ANKRD36B: variants seen among roughly 807,000 people sequenced by gnomAD.
The protein encoded by ANKRD36B is ankyrin repeat domain 36B.
In ANKRD36B, 37 loss-of-function variants were observed where a neutral mutation model predicts 135.7. The ratio of observed to expected loss-of-function variants is 0.27; its 90% CI spans 0.21 to 0.36. The LOEUF (loss-of-function observed/expected upper bound fraction) is 0.36, where lower values mean the gene tolerates loss of function less well. ANKRD36B is among the 10% of genes least tolerant of loss of function. The probability of loss-of-function intolerance (pLI) is 1.00; values close to 1 mark genes in which losing one functional copy is unlikely to be tolerated. For synonymous variants in ANKRD36B, 179 were observed against 348.1 expected (o/e 0.51, Z 5.41); for missense variants, 549 against 1,037.1 (o/e 0.53, Z 6.46).
At chr2:97,555,020 C>A (rs796363779) in intron 14 of ANKRD36B, 40 bp downstream of exon 14, 2 of 1,603,408 alleles carry the variant, frequency 1.2e-6, no homozygotes, top group Non-Finnish European at 1.7e-6. Context: ...TCTTTTCTAT[C>A]TGGACTGAAC....
At chr2:97,511,036 CT>C in intron 39 of ANKRD36B, 101 bp downstream of exon 39, 1 of 405,908 alleles carries the variant, frequency 2.5e-6, no homozygotes, top group Non-Finnish European at 4.6e-6. Flanking sequence ...CATATGTATC[CT>C]TTTTTATATT....
At chr2:97,546,617 A>C (rs1412640768) in intron 22 of ANKRD36B, among the ~76,000 whole-genome samples, 1 of 151,748 alleles carries the variant, frequency 6.6e-6, no homozygotes, top group Non-Finnish European at 1.5e-5. Context: ...ATTAGATATT[A>C]ATCAGTTTTT....
At chr2:97,538,592 G>A (rs1269960509) in intron 30 of ANKRD36B, among the ~76,000 whole-genome samples, 1 of 96,436 alleles carries the variant, frequency 1.0e-5, no homozygotes, top group African/African-American at 3.1e-5. Flanking sequence ...GGTATTTTGC[G>A]TCATGTGTGT....
At position 97,545,305 on chromosome 2, in the gene ANKRD36B, C is replaced by A. The variant is rs1225326226; in HGVS notation, c.1681+361G>T. 3.2e-5 allele frequency among the ~76,000 whole-genome samples: 3 copies of A among 95,178 alleles called. 1 individual carries two copies. Among genetic ancestry groups the A allele is most frequent in the East Asian group, 4.7e-4 (2 of 4,298 alleles). The allele number at this position is 95,178 out of a possible 152,430, so 62.4% of individuals were successfully genotyped here. On this transcript the variant is annotated intron_variant, in intron 24 of 43. Transcript: ENST00000359901. The stretch of plus-strand genomic sequence containing the variant: ...AGGATCACTTTTCCCTCTGTTTATC[C>A]CAATACAATCTGACACCTCTAATAT...
chr2:97,529,226 C>T lies in ANKRD36B; in HGVS notation c.2265+3085G>A, dbSNP rs1258102949. 2.1e-5 allele frequency among the ~76,000 whole-genome samples: 2 copies of T among 94,944 alleles called. 1 individual carries two copies. The highest frequency in any genetic ancestry group is 5.6e-5 in the Non-Finnish European group (2 of 35,758). 62.3% of individuals were successfully genotyped at this position (94,944 alleles called of 152,430 possible). A position where few individuals can be genotyped will look rare whatever the true frequency, so the allele number is the denominator to read the frequency against. On this transcript the variant is annotated intron_variant, in intron 35 of 43. Coordinates refer to ENST00000359901, the MANE Select transcript of ANKRD36B (RefSeq NM_001393939.1). Reference sequence around the variant, plus strand: ...CACCATGATCAAGTGGGCTTCATCCCTGGGATGCAAGGCTGGTTCAATATA... The same window carrying T: ...CACCATGATCAAGTGGGCTTCATCCTTGGGATGCAAGGCTGGTTCAATATA...
chr2:97,540,946 A>T (rs1391623108), intron 28 of ANKRD36B, among the ~76,000 whole-genome samples: 1 of 96,772 alleles, frequency 1.0e-5, no homozygotes, highest in African/African-American at 3.1e-5. Flanking sequence ...CAATTTTGAC[A>T]TACTTCTACA....
At chr2:97,554,609 G>C (rs995992035) in intron 14 of ANKRD36B, among the ~76,000 whole-genome samples, 5 of 151,822 alleles carry the variant, frequency 3.3e-5, no homozygotes, top group Admixed American at 2.6e-4. Context: ...CCTCTTCCTT[G>C]AGGAAAATAA....
At chr2:97,557,628 C>T (rs967869250) in intron 10 of ANKRD36B, among the ~76,000 whole-genome samples, 1 of 151,776 alleles carries the variant, frequency 6.6e-6, no homozygotes, top group Non-Finnish European at 1.5e-5. Flanking sequence ...ATGTACACTT[C>T]ACAAGTCCTC....
At chr2:97,557,469 T>C (rs1025737276) in intron 10 of ANKRD36B, among the ~76,000 whole-genome samples, 2 of 151,834 alleles carry the variant, frequency 1.3e-5, no homozygotes, top group Admixed American at 6.6e-5. Flanking sequence ...CACCCAGGAA[T>C]CAATGTCAAA....
At chr2:97,576,195 C>T (rs1370115112) in intron 6 of ANKRD36B, among the ~76,000 whole-genome samples, 184 bp downstream of exon 6, 1 of 150,502 alleles carries the variant, frequency 6.6e-6, no homozygotes, top group Admixed American at 6.6e-5. Context: ...TCAAACAATA[C>T]TGAGATTATA....
chr2:97,546,823 C>T (rs866550969), intron 22 of ANKRD36B, among the ~76,000 whole-genome samples: 2 of 151,592 alleles, frequency 1.3e-5, no homozygotes, highest in African/African-American at 4.8e-5. Flanking sequence ...TCAAGATTAT[C>T]GCATTTTTAT....
At chr2:97,553,830 A>G (rs1452855001) in intron 14 of ANKRD36B, among the ~76,000 whole-genome samples, 1 of 151,978 alleles carries the variant, frequency 6.6e-6, no homozygotes, top group African/African-American at 2.4e-5. Context: ...GAAGGTACAC[A>G]ATTACAGTGA....
rs1255771843 is a variant in ANKRD36B at position 97,545,263 on chromosome 2, A to G, written c.1681+403T>C. On this transcript the variant is annotated intron_variant, in intron 24 of 43. Transcript: ENST00000359901. ...CTGGTCTTGTTACTTGTCATTCTAC[A>G]GTGTTTTTGTGGTATTAGGATCACT... is the stretch of plus-strand genomic sequence containing the variant. Among the ~76,000 whole-genome samples, 2 of 95,718 alleles carry G rather than the reference A, an allele frequency of 2.1e-5. 1 individual carries two copies. Among genetic ancestry groups the G allele is most frequent in the African/African-American group, 6.2e-5 (2 of 32,182 alleles). 62.8% of individuals were successfully genotyped at this position (95,718 alleles called of 152,430 possible). A position where few individuals can be genotyped will look rare whatever the true frequency, so the allele number is the denominator to read the frequency against.
chr2:97,547,830 G>T, intron 20 of ANKRD36B, 99 bp from the exon 21 acceptor site: 1 of 1,480,940 alleles, frequency 6.8e-7, no homozygotes, highest in Non-Finnish European at 9.2e-7. Context: ...CTTCCTGCCT[G>T]TATTAGCATA....
In ANKRD36B at chr2:97,545,710, G is replaced by T; in HGVS notation, c.1637C>A (p.Pro546Gln). Residue 546 changes from proline to glutamine, a missense_variant, in exon 24 of 44, where the codon CCG (proline) becomes CAG (glutamine). By Grantham distance (76) the Pro-to-Gln change is moderately conservative. Transcript: ENST00000359901. The stretch of plus-strand genomic sequence containing the variant: ...ATCCTTTGTTTCTGTGGCCATATTC[G>T]GAACAGAATCTTCCTTGTCACTTGT... The part of the protein sequence containing the change: ...KATSDKEDSV[P>Q]NMATETKDEQ... 2.1e-6 allele frequency: 2 copies of T among 960,776 alleles called. 1 individual carries two copies. Among genetic ancestry groups the T allele is most frequent in the Admixed American group, 4.3e-5 (2 of 46,986 alleles). 59.5% of individuals were successfully genotyped at this position (960,776 alleles called of 1,614,324 possible).
At chr2:97,570,743 C>T (rs867959127) in intron 6 of ANKRD36B, among the ~76,000 whole-genome samples, 7 of 152,168 alleles carry the variant, frequency 4.6e-5, no homozygotes, top group African/African-American at 1.2e-4. Context: ...TTGCCCTGAG[C>T]CAATTTTACT....
intron 20 of ANKRD36B, 104 bp from the exon 21 acceptor site, chr2:97,547,835 A>T: frequency 6.8e-7 from 1 of 1,471,912 alleles, no homozygotes; most frequent in African/African-American, 1.4e-5. Context: ...TGCCTGTATT[A>T]GCATAGGCTT....
chr2:97,561,884 A>C (rs1463996336), intron 6 of ANKRD36B, among the ~76,000 whole-genome samples: 1 of 151,942 alleles, frequency 6.6e-6, no homozygotes, highest in Non-Finnish European at 1.5e-5. Context: ...AAAGAGGAGC[A>C]ATGAGTCACT....
intron 8 of ANKRD36B, among the ~76,000 whole-genome samples, chr2:97,559,662 T>TAGC (rs1299897281): frequency 2.0e-5 from 3 of 151,964 alleles, no homozygotes; most frequent in Non-Finnish European, 4.4e-5. Context: ...GATAATGTAT[T>TAGC]AGCCTCAATA....
Sources: allele counts gnomAD v4.1 joint callset (sites outside exome capture counted in the v4.1 genomes callset), GRCh38; gene constraint gnomAD v4.1.1; transcripts MANE v1.5; gene names NCBI Gene and HGNC (gene_info 2026-07-23, HGNC 2026-07-21).